Variants in DAPP1 observed in about 807,000 individuals in gnomAD.
DAPP1 encodes dual adaptor of phosphotyrosine and 3-phosphoinositides 1, also known as dual adapter for phosphotyrosine and 3-phosphotyrosine and 3-phosphoinositide.
A neutral mutation model predicts 41.5 loss-of-function variants in DAPP1; 20 were observed. That is an observed-to-expected ratio of 0.48 (90% CI 0.34 to 0.70). The LOEUF (loss-of-function observed/expected upper bound fraction) is 0.70. Among genes scored for constraint, DAPP1 ranks in the 30% least tolerant of loss-of-function variants. DAPP1 has a pLI of 0.01. For synonymous variants in DAPP1, 113 were observed against 116.2 expected, an observed-to-expected ratio of 0.97 and a Z score of 0.18; for missense variants, 233 against 333.4, an observed-to-expected ratio of 0.70 and a Z score of 2.35.
intron 3 of DAPP1, among the ~76,000 whole-genome samples, chr4:99,852,225 G>A (rs549287415): frequency 6.6e-6 from 1 of 152,146 alleles, no homozygotes; most frequent in Admixed American, 6.5e-5. Context: ...GCAAAGCTCT[G>A]TAAATATTCG....
At chr4:99,867,589 T>G (rs1259660184) in intron 8 of DAPP1, among the ~76,000 whole-genome samples, 1 of 152,236 alleles carries the variant, frequency 6.6e-6, no homozygotes, top group Non-Finnish European at 1.5e-5. Flanking sequence ...GCAGTTTCTT[T>G]TAAAACTATA....
intron 1 of DAPP1, among the ~76,000 whole-genome samples, chr4:99,820,665 A>G (rs1299313389): frequency 6.6e-6 from 1 of 152,220 alleles, no homozygotes; most frequent in East Asian, 1.9e-4. Context: ...TAGACCATGG[A>G]GCAGCAAACC....
chr4:99,818,981 C>T (rs1466594086), intron 1 of DAPP1, among the ~76,000 whole-genome samples: 1 of 152,234 alleles, frequency 6.6e-6, no homozygotes, highest in Admixed American at 6.5e-5. Context: ...ATGTATCTAC[C>T]AAATGCATTA....
chr4:99,826,258 G>A (rs1722933576), intron 1 of DAPP1, among the ~76,000 whole-genome samples: 1 of 152,138 alleles, frequency 6.6e-6, no homozygotes, highest in African/African-American at 2.4e-5. Flanking sequence ...GTCATCTTTG[G>A]TCTAGATAGT....
chr4:99,855,383 A>G (rs752849249), intron 4 of DAPP1, among the ~76,000 whole-genome samples: 5 of 152,206 alleles, frequency 3.3e-5, no homozygotes, highest in Non-Finnish European at 7.3e-5. Flanking sequence ...GATAATACCT[A>G]ATTTGTGAGA....
At chr4:99,866,752 ATTTCTTTTTTTCTATTTTTTT>A in intron 8 of DAPP1, 1 of 473,550 alleles carries the variant, frequency 2.1e-6, no homozygotes, top group Non-Finnish European at 3.7e-6. Flanking sequence ...AACTTTGATG[ATTTCTTTTTTTCTATTTTTTT>A]TTTTTTTTTT....
intron 1 of DAPP1, among the ~76,000 whole-genome samples, chr4:99,821,800 A>G (rs1722784197): frequency 1.3e-5 from 2 of 152,248 alleles, no homozygotes; most frequent in Admixed American, 1.3e-4. Flanking sequence ...ATTATAACAA[A>G]GTTTACTATA....
downstream of DAPP1, among the ~76,000 whole-genome samples, chr4:99,872,173 A>G (rs1724640856): frequency 6.6e-6 from 1 of 152,256 alleles, no homozygotes; most frequent in Non-Finnish European, 1.5e-5. Context: ...GATTGGAGCC[A>G]GAGAAGTTAG....
At chr4:99,866,512 A>G (rs568809203) in intron 8 of DAPP1, 2 of 762,908 alleles carry the variant, frequency 2.6e-6, no homozygotes, top group South Asian at 1.4e-5. Context: ...AAAGTTTGCC[A>G]GAGGCACTTA....
At chr4:99,844,299 C>T (rs1408981146) in intron 3 of DAPP1, 1 of 152,198 alleles carries the variant, frequency 6.6e-6, no homozygotes, top group Non-Finnish European at 1.5e-5. Flanking sequence ...CCTAAGGCTT[C>T]ACCTCAGTGG....
chr4:99,865,013 A>G (rs575980371), intron 7 of DAPP1: 1 of 152,358 alleles, frequency 6.6e-6, no homozygotes, highest in East Asian at 1.9e-4. Flanking sequence ...TGTCTCCCAT[A>G]GGGAGTACCA....
intron 5 of DAPP1, among the ~76,000 whole-genome samples, chr4:99,862,104 C>T (rs1724259802): frequency 6.6e-6 from 1 of 152,156 alleles, no homozygotes; most frequent in Non-Finnish European, 1.5e-5. Flanking sequence ...GAGACTGTAT[C>T]TTTAGAATTC....
chr4:99,836,018 G>A (rs1478269814), intron 2 of DAPP1, among the ~76,000 whole-genome samples: 1 of 152,144 alleles, frequency 6.6e-6, no homozygotes, highest in African/African-American at 2.4e-5. Context: ...CAAAGCGGTG[G>A]AATGTCTGGT....
intron 1 of DAPP1, among the ~76,000 whole-genome samples, chr4:99,830,238 G>T (rs1000325068): frequency 5.3e-5 from 8 of 152,072 alleles, no homozygotes; most frequent in Non-Finnish European, 1.2e-4. Flanking sequence ...CAAAAATTAT[G>T]CAGGCATGGT....
intron 4 of DAPP1, among the ~76,000 whole-genome samples, chr4:99,860,860 CA>C (rs902670680): frequency 7.2e-5 from 11 of 152,184 alleles, no homozygotes; most frequent in African/African-American, 2.7e-4. Flanking sequence ...TTGTCTTATG[CA>C]AATTTCTGTT....
rs1421529168 is a variant in DAPP1, at chr4:99,857,602, T to G, written c.490-3976T>G. 2.0e-5 allele frequency among the ~76,000 whole-genome samples: 3 copies of G among 152,158 alleles called. No homozygotes were observed. In the East Asian group the frequency reaches 5.8e-4, roughly 29 times the overall value. On this transcript the variant is annotated intron_variant, in intron 4 of 8. Coordinates refer to ENST00000512369, the MANE Select transcript of DAPP1 (RefSeq NM_014395.3). ...TGGATACTTTCCTTGCACGTTGCCC[T>G]TTTCCAGTATTTTGTTTTTGAAACT...
intron 1 of DAPP1, among the ~76,000 whole-genome samples, chr4:99,823,770 A>G (rs1057107221): frequency 1.3e-5 from 2 of 152,224 alleles, no homozygotes; most frequent in Non-Finnish European, 2.9e-5. Context: ...CAATGGGGCT[A>G]GAGCCAAGAT....
intron 1 of DAPP1, among the ~76,000 whole-genome samples, chr4:99,834,981 A>T (rs1043099851): frequency 2.0e-5 from 3 of 149,692 alleles, no homozygotes; most frequent in African/African-American, 7.4e-5. Flanking sequence ...GACACCAGTC[A>T]TATTGAATTA....
At chr4:99,828,648 G>A (rs967132393) in intron 1 of DAPP1, among the ~76,000 whole-genome samples, 1 of 152,154 alleles carries the variant, frequency 6.6e-6, no homozygotes, top group Non-Finnish European at 1.5e-5. Context: ...CCAGCTTTCT[G>A]GATCCAGCCT....
Sources: gnomAD v4.1 joint callset for allele counts (sites outside exome capture counted in the v4.1 genomes callset) on GRCh38, gnomAD v4.1.1 for gene constraint, MANE v1.5 for transcripts, NCBI Gene and HGNC (gene_info 2026-07-23, HGNC 2026-07-21) for gene names.